Variants in ERG observed in about 807,000 individuals in gnomAD.
ERG encodes transcriptional regulator ERG.
ERG carries 9 observed loss-of-function variants against 55.3 expected under a neutral mutation model. The observed-to-expected ratio is 0.16, with a 90% confidence interval of 0.10 to 0.28. The LOEUF (loss-of-function observed/expected upper bound fraction) is 0.28, where lower values mean the gene tolerates loss of function less well. Among genes scored for constraint, ERG ranks in the 10% least tolerant of loss-of-function variants. The pLI is 1.00. For missense variants in ERG, 434 were observed against 631.6 expected, an observed-to-expected ratio of 0.69 and a Z score of 3.35; for synonymous variants, 223 against 237.3, an observed-to-expected ratio of 0.94 and a Z score of 0.55.
chr21:38,384,943 A>G (rs1987624582), intron 9 of ERG, among the ~76,000 whole-genome samples: 1 of 152,154 alleles, frequency 6.6e-6, no homozygotes, highest in African/African-American at 2.4e-5. Context: ...CTGCAACGCC[A>G]ATTGTGTTAA....
the ERG span, among the ~76,000 whole-genome samples, chr21:38,372,206 T>C: frequency 1.3e-5 from 2 of 152,170 alleles, no homozygotes; most frequent in Admixed American, 1.3e-4. Flanking sequence ...ATTCTTAATA[T>C]TATCTGTCTT....
intron 1 of ERG, among the ~76,000 whole-genome samples, chr21:38,581,524 T>C (rs992478884): frequency 1.1e-4 from 17 of 152,268 alleles, no homozygotes; most frequent in Middle Eastern, 3.4e-3. Context: ...TGGGGGCTAA[T>C]TGCAAGAAAG....
intron 1 of ERG, among the ~76,000 whole-genome samples, chr21:38,468,878 G>A (rs2059113455): frequency 6.6e-6 from 1 of 151,430 alleles, no homozygotes; most frequent in East Asian, 1.9e-4. Context: ...CCAGCTACTA[G>A]GGAGGCTGAG....
intron 2 of ERG, among the ~76,000 whole-genome samples, 181 bp from the exon 3 acceptor site, chr21:38,423,742 CTT>C (rs889876111): frequency 1.3e-5 from 2 of 152,098 alleles, no homozygotes; most frequent in African/African-American, 4.8e-5. Flanking sequence ...AGTCCCAACA[CTT>C]TGGGATGCCG....
chr21:38,367,844 C>G, the ERG span, among the ~76,000 whole-genome samples: 1 of 152,104 alleles, frequency 6.6e-6, no homozygotes, highest in African/African-American at 2.4e-5. Context: ...TCTCAGCCAC[C>G]TCCCAGGAGG....
chr21:38,574,529 C>T (rs1282119368), intron 2 of ERG, among the ~76,000 whole-genome samples: 1 of 152,198 alleles, frequency 6.6e-6, no homozygotes, highest in Non-Finnish European at 1.5e-5. Context: ...CTTCCAATTC[C>T]ATTTTCAAAA....
At chr21:38,501,045 A>G (rs1474368001), upstream of ERG, among the ~76,000 whole-genome samples, 1 of 146,976 alleles carries the variant, frequency 6.8e-6, no homozygotes, top group African/African-American at 2.5e-5. Flanking sequence ...TTGGCTCTTG[A>G]TAGGACAAGG....
At chr21:38,534,858 G>T (rs921263366) in intron 2 of ERG, among the ~76,000 whole-genome samples, 1 of 152,082 alleles carries the variant, frequency 6.6e-6, no homozygotes, top group Non-Finnish European at 1.5e-5. Context: ...ACAAAATGTG[G>T]CATACAATAA....
chr21:38,585,984 A>G (rs867863618), upstream of ERG, among the ~76,000 whole-genome samples: 1 of 152,054 alleles, frequency 6.6e-6, no homozygotes. Flanking sequence ...GAAATAAAAG[A>G]GGGAAGGCAG....
chr21:38,520,655 C>T (rs943231969), intron 2 of ERG, among the ~76,000 whole-genome samples: 18 of 152,168 alleles, frequency 1.2e-4, no homozygotes, highest in African/African-American at 4.3e-4. Flanking sequence ...GACGCTACCG[C>T]ATCATTCTAG....
chr21:38,396,932 T>TA (rs1220428830), intron 6 of ERG, among the ~76,000 whole-genome samples: 1 of 151,900 alleles, frequency 6.6e-6, no homozygotes, highest in Non-Finnish European at 1.5e-5. Flanking sequence ...TATATATATT[T>TA]AAAAAATCAT....
Position 38,429,496 on chromosome 21 carries a change from CAT to C in ERG, c.237-5937_237-5936del, listed in dbSNP as rs549156226. Among the ~76,000 whole-genome samples, 162 of 121,562 alleles carry C rather than the reference CAT, an allele frequency of 1.3e-3. 68 individuals are homozygous for C. Among genetic ancestry groups the C allele is most frequent in the African/African-American group, 4.6e-3 (143 of 30,806 alleles). 79.7% of individuals were successfully genotyped at this position (121,562 alleles called of 152,430 possible). On this transcript the variant is annotated intron_variant, in intron 2 of 9. Coordinates refer to ENST00000288319, the MANE Select transcript of ERG (RefSeq NM_182918.4). ...GTGTATATACATGTATGCACATGTA[CAT>C]ATATACATATGTGTATATACATGTA...
At chr21:38,628,670 C>T (rs1730086118) in intron 1 of ERG, among the ~76,000 whole-genome samples, 1 of 152,212 alleles carries the variant, frequency 6.6e-6, no homozygotes, top group African/African-American at 2.4e-5. Flanking sequence ...GAGCATACCA[C>T]ACCTGCACTC....
intron 2 of ERG, among the ~76,000 whole-genome samples, chr21:38,427,475 G>C (rs889003987): frequency 6.6e-6 from 1 of 152,196 alleles, no homozygotes; most frequent in African/African-American, 2.4e-5. Context: ...GAACTGTGTT[G>C]CTGGCATTGT....
intron 1 of ERG, among the ~76,000 whole-genome samples, chr21:38,596,952 T>A (rs2060134939): frequency 6.6e-6 from 1 of 152,256 alleles, no homozygotes; most frequent in Middle Eastern, 3.4e-3. Flanking sequence ...AAAGGCAGTC[T>A]CCCCAAAAAG....
chr21:38,634,306 G>A (rs577674740), intron 1 of ERG, among the ~76,000 whole-genome samples: 3 of 152,244 alleles, frequency 2.0e-5, no homozygotes, highest in African/African-American at 4.8e-5. Flanking sequence ...TGTGTTATTC[G>A]AGGAGGGAAA....
At chr21:38,647,682 T>C (rs1216003038) in intron 1 of ERG, among the ~76,000 whole-genome samples, 1 of 152,246 alleles carries the variant, frequency 6.6e-6, no homozygotes, top group Non-Finnish European at 1.5e-5. Flanking sequence ...TTGGCACCAG[T>C]GCCTCAGGTG....
chr21:38,542,677 T>A (rs2059761379), intron 2 of ERG, among the ~76,000 whole-genome samples: 1 of 152,086 alleles, frequency 6.6e-6, no homozygotes, highest in African/African-American at 2.4e-5. Context: ...ACGAAATGCA[T>A]TTTCACTCTC....
At chr21:38,570,610 G>A (rs372956123) in intron 2 of ERG, among the ~76,000 whole-genome samples, 16 of 152,228 alleles carry the variant, frequency 1.1e-4, no homozygotes, top group South Asian at 8.3e-4. Context: ...AATCTCCCAC[G>A]AACCCTGCAA....
Sources: gnomAD v4.1 joint callset for allele counts (sites outside exome capture counted in the v4.1 genomes callset) on GRCh38, gnomAD v4.1.1 for gene constraint, MANE v1.5 for transcripts, NCBI Gene and HGNC (gene_info 2026-07-23, HGNC 2026-07-21) for gene names.